Variants in SYTL5 observed in about 807,000 individuals in gnomAD.
SYTL5 encodes synaptotagmin like 5, also known as synaptotagmin-like protein 5.
In SYTL5, 34 loss-of-function variants were observed where a neutral mutation model predicts 55.9. The ratio of observed to expected loss-of-function variants is 0.61; its 90% CI spans 0.46 to 0.81. The LOEUF (loss-of-function observed/expected upper bound fraction) is 0.81, where lower values mean the gene tolerates loss of function less well. Among genes scored for constraint, SYTL5 ranks in the 30% least tolerant of loss-of-function variants. The pLI is 0.00. For synonymous variants in SYTL5, 221 were observed against 188.7 expected, an observed-to-expected ratio of 1.17 and a Z score of -1.40; for missense variants, 637 against 546.7, an observed-to-expected ratio of 1.17 and a Z score of -1.65.
Position 38,083,249 on chromosome X carries a change from T to C in SYTL5, c.690-6197T>C, listed in dbSNP as rs17173953. Among the ~76,000 whole-genome samples the C allele has an allele frequency of 2.0e-3, 227 of 111,266 alleles. 1 individual carries two copies. Among genetic ancestry groups the C allele is most frequent in the African/African-American group, 7.2e-3 (222 of 30,664 alleles). On this transcript the variant is annotated intron_variant, in intron 6 of 16. Coordinates refer to ENST00000297875, the MANE Select transcript of SYTL5 (RefSeq NM_138780.3). ...AATGGGATGCTAAAAAACAAAAATA[T>C]TATCACGTTGAGAGTACCACCTGTT... is the stretch of plus-strand genomic sequence containing the variant.
chrX:37,975,375 T>C, the SYTL5 span, among the ~76,000 whole-genome samples: 2 of 112,113 alleles, frequency 1.8e-5, no homozygotes, highest in Non-Finnish European at 1.9e-5. Context: ...AGTCAGCATG[T>C]ACTGGAGCAG....
intron 2 of SYTL5, among the ~76,000 whole-genome samples, chrX:38,049,053 A>G (rs768093664): frequency 1.5e-4 from 17 of 111,665 alleles, no homozygotes; most frequent in Non-Finnish European, 2.8e-4. Flanking sequence ...ATGGGAGTGC[A>G]AGGAGCTGTG....
chrX:37,966,424 G>A, the SYTL5 span, among the ~76,000 whole-genome samples: 5 of 93,470 alleles, frequency 5.3e-5, no homozygotes, highest in South Asian at 4.7e-4. Context: ...CACAGTTTGC[G>A]TTTTTCTTTT....
At chrX:37,900,378 A>G in the SYTL5 span, among the ~76,000 whole-genome samples, 1 of 112,491 alleles carries the variant, frequency 8.9e-6, no homozygotes, top group Admixed American at 9.4e-5. Context: ...TATGATATTT[A>G]GTATGTCAGA....
chrX:38,118,631 A>G (rs1398519175), intron 13 of SYTL5, among the ~76,000 whole-genome samples: 1 of 111,863 alleles, frequency 8.9e-6, no homozygotes. Flanking sequence ...TAAACTTTAT[A>G]TTTTGAGATG....
At chrX:37,892,290 A>G in the SYTL5 span, among the ~76,000 whole-genome samples, 2 of 109,466 alleles carry the variant, frequency 1.8e-5, no homozygotes, top group African/African-American at 6.6e-5. Flanking sequence ...TTGGAGCCAA[A>G]CACATATTAA....
At chrX:38,076,764 A>C in intron 6 of SYTL5, 63 bp downstream of exon 6, 2 of 1,095,795 alleles carry the variant, frequency 1.8e-6, no homozygotes, top group South Asian at 4.1e-5. Flanking sequence ...ATTCCCATTC[A>C]TAGGGGGATT....
chrX:37,940,479 TA>T, the SYTL5 span, among the ~76,000 whole-genome samples: 1,720 of 81,565 alleles, frequency 0.021, 13 homozygotes, highest in African/African-American at 0.027. Flanking sequence ...AGACTCCATC[TA>T]AAAAAAAAAA....
At chrX:38,064,866 T>C (rs1936057647) in intron 3 of SYTL5, among the ~76,000 whole-genome samples, 1 of 111,413 alleles carries the variant, frequency 9.0e-6, no homozygotes, top group Non-Finnish European at 1.9e-5. Context: ...ATTTTTAACA[T>C]TTAATCTCAT....
At chrX:37,959,602 T>A in the SYTL5 span, among the ~76,000 whole-genome samples, 16 of 111,881 alleles carry the variant, frequency 1.4e-4, no homozygotes, top group African/African-American at 3.2e-4. Flanking sequence ...GACTCTGTTG[T>A]CCCTAGTATT....
rs191984388 is a variant in SYTL5 at position 38,012,935 on chromosome X, C to T, written c.-357+6267C>T. On this transcript the variant is annotated intron_variant, in intron 1 of 16. Coordinates refer to ENST00000297875, the MANE Select transcript of SYTL5 (RefSeq NM_138780.3). ...TTTAAGTTGCATATTTTGACTAGAA[C>T]TAGATATGTACTAAAAAACCATTTT... 2.0e-4 allele frequency among the ~76,000 whole-genome samples: 22 copies of T among 111,990 alleles called. 1 individual carries two copies. Among genetic ancestry groups the T allele is most frequent in the Admixed American group, 1.6e-3 (17 of 10,589 alleles).
chrX:37,949,499 T>C, the SYTL5 span: 2 of 112,061 alleles, frequency 1.8e-5, no homozygotes, highest in African/African-American at 6.5e-5. Flanking sequence ...TCCTCATTGA[T>C]TAAATCTGGA....
the SYTL5 span, among the ~76,000 whole-genome samples, chrX:37,959,105 G>A: frequency 9.0e-6 from 1 of 111,454 alleles, no homozygotes; most frequent in East Asian, 2.8e-4. Flanking sequence ...GAATTCTTGT[G>A]GGTAGTCCTT....
intron 6 of SYTL5, among the ~76,000 whole-genome samples, chrX:38,086,671 A>T (rs1202984843): frequency 8.9e-6 from 1 of 112,248 alleles, no homozygotes; most frequent in African/African-American, 3.2e-5. Context: ...TACACTTCAC[A>T]ACTTTAATTT....
At chrX:37,947,132 T>C in the SYTL5 span, among the ~76,000 whole-genome samples, 1 of 111,324 alleles carries the variant, frequency 9.0e-6, no homozygotes, top group Non-Finnish European at 1.9e-5. Flanking sequence ...AGGGGCCAAA[T>C]TGATTGTCTT....
the SYTL5 span, among the ~76,000 whole-genome samples, chrX:37,985,119 T>C: frequency 2.7e-5 from 3 of 111,959 alleles, no homozygotes; most frequent in African/African-American, 6.5e-5. Context: ...CTATGGGTTC[T>C]ACCCAGGGTA....
chrX:37,950,643 T>C, the SYTL5 span, among the ~76,000 whole-genome samples: 2 of 111,446 alleles, frequency 1.8e-5, no homozygotes, highest in African/African-American at 6.5e-5. Context: ...GCTTTAATAT[T>C]GGTTGAAATT....
the SYTL5 span, among the ~76,000 whole-genome samples, chrX:37,996,030 C>T: frequency 2.7e-5 from 3 of 111,599 alleles, no homozygotes; most frequent in South Asian, 3.8e-4. Context: ...TGTAAGGACC[C>T]GGGCTTCTGG....
the SYTL5 span, among the ~76,000 whole-genome samples, chrX:37,907,418 CA>C: frequency 8.9e-6 from 1 of 112,204 alleles, no homozygotes; most frequent in Non-Finnish European, 1.9e-5. Context: ...AGTCAGATCA[CA>C]GGAATAATTT....
Sources: gnomAD v4.1 joint callset for allele counts (sites outside exome capture counted in the v4.1 genomes callset) on GRCh38, gnomAD v4.1.1 for gene constraint, MANE v1.5 for transcripts, NCBI Gene and HGNC (gene_info 2026-07-23, HGNC 2026-07-21) for gene names.